Variants in DIAPH1 observed in about 807,000 individuals in gnomAD.
DIAPH1 encodes diaphanous related formin 1, also known as protein diaphanous homolog 1.
Under a neutral mutation model 140.7 loss-of-function variants are expected in DIAPH1, and 46 were observed. The observed-to-expected ratio is 0.33, with a 90% CI of 0.26 to 0.42. The LOEUF (loss-of-function observed/expected upper bound fraction) is 0.42, where lower values mean the gene tolerates loss of function less well. Among genes scored for constraint, DIAPH1 ranks in the 10% least tolerant of loss-of-function variants. The pLI is 1.00. For missense variants in DIAPH1, 1,310 were observed against 1,558.7 expected (o/e 0.84, Z 2.69); for synonymous variants, 565 against 551.6 (o/e 1.02, Z -0.34).
chr5:141,535,097 A>G (rs575634507), intron 18 of DIAPH1, among the ~76,000 whole-genome samples: 1 of 152,206 alleles, frequency 6.6e-6, no homozygotes, highest in African/African-American at 2.4e-5. Context: ...CTACAGGTGC[A>G]GGCCACCACG....
intron 18 of DIAPH1, chr5:141,557,846 TA>T (rs898488032): frequency 7.2e-5 from 11 of 152,210 alleles, no homozygotes; most frequent in Non-Finnish European, 1.5e-5. Flanking sequence ...AACTGCTGAG[TA>T]AAAGAGTACG....
intron 7 of DIAPH1, chr5:141,582,087 A>AAAT: frequency 2.7e-6 from 1 of 365,028 alleles, no homozygotes. Context: ...AAAAAAAAAA[A>AAAT]GAGAGAGAAA....
intron 27 of DIAPH1, chr5:141,518,959 C>T: frequency 6.4e-7 from 1 of 1,550,666 alleles, no homozygotes; most frequent in Non-Finnish European, 8.7e-7. Flanking sequence ...TAAAGGTCTC[C>T]TCCTCCTCCT....
intron 1 of DIAPH1, among the ~76,000 whole-genome samples, chr5:141,598,789 A>C (rs1027822995): frequency 6.6e-6 from 1 of 152,340 alleles, no homozygotes; most frequent in Non-Finnish European, 1.5e-5. Flanking sequence ...CACCCTGATT[A>C]ATTATTATCA....
At chr5:141,553,778 G>C (rs1388676736) in intron 18 of DIAPH1, among the ~76,000 whole-genome samples, 3 of 151,560 alleles carry the variant, frequency 2.0e-5, no homozygotes, top group African/African-American at 7.3e-5. Flanking sequence ...AAAATTTAAA[G>C]ATAGAGACAA....
At chr5:141,531,091 C>CACATATTCCATAACCA in intron 19 of DIAPH1, among the ~76,000 whole-genome samples, 1 of 152,260 alleles carries the variant, frequency 6.6e-6, no homozygotes, top group Admixed American at 6.5e-5. Context: ...AACCACAAAG[C>CACATATTCCATAACCA]CAATGAAAAG....
rs79558427 is a variant in DIAPH1, at chr5:141,527,699, T to TAAAAAAAAAAAAAAA, written c.3149-17_3149-3dup. 7.4e-5 allele frequency: 84 copies of TAAAAAAAAAAAAAAA among 1,132,498 alleles called. No individual in the cohort carries two copies. Among genetic ancestry groups the TAAAAAAAAAAAAAAA allele is most frequent in the East Asian group, 2.9e-4 (8 of 27,518 alleles). The allele number at this position is 1,132,498 out of a possible 1,614,324, so 70.2% of individuals were successfully genotyped here. On this transcript the variant is annotated splice_polypyrimidine_tract_variant and splice_region_variant and intron_variant, in intron 23 of 27. Coordinates refer to ENST00000389054, the MANE Select transcript of DIAPH1 (RefSeq NM_005219.5). ...TCTTTTGCAAGTTTTCAGCAGAAAC[T>TAAAAAAAAAAAAAAA]AAAAAAAAAAAAAAAAAAAAAAACC...
chr5:141,560,013 C>T (rs917782212), intron 18 of DIAPH1, among the ~76,000 whole-genome samples: 2 of 152,088 alleles, frequency 1.3e-5, no homozygotes, highest in African/African-American at 4.8e-5. Flanking sequence ...CATAATGATC[C>T]GCAATTATTT....
At chr5:141,593,075 C>T (rs1400391636) in intron 1 of DIAPH1, among the ~76,000 whole-genome samples, 2 of 152,182 alleles carry the variant, frequency 1.3e-5, no homozygotes, top group African/African-American at 2.4e-5. Flanking sequence ...AAATCCAACA[C>T]ATTACAGAAA....
At chr5:141,564,511 C>A (rs951552756) in intron 18 of DIAPH1, 1 of 152,230 alleles carries the variant, frequency 6.6e-6, no homozygotes, top group Non-Finnish European at 1.5e-5. Context: ...TCCCTTAAAT[C>A]TCCAATAGTA....
chr5:141,611,673 T>C (rs1384472199), intron 1 of DIAPH1, among the ~76,000 whole-genome samples: 1 of 152,174 alleles, frequency 6.6e-6, no homozygotes, highest in Non-Finnish European at 1.5e-5. Context: ...GATACATAGA[T>C]AGCAAATGGG....
intron 8 of DIAPH1, 134 bp from the exon 9 acceptor site, chr5:141,579,330 T>G (rs921642286): frequency 2.5e-6 from 2 of 798,768 alleles, no homozygotes; most frequent in African/African-American, 3.4e-5. Context: ...CTCACATTAT[T>G]ATTCTCACCA....
chr5:141,541,956 A>G (rs1472273982), intron 18 of DIAPH1, among the ~76,000 whole-genome samples: 1 of 152,172 alleles, frequency 6.6e-6, no homozygotes, highest in Non-Finnish European at 1.5e-5. Flanking sequence ...AAAGATGTAT[A>G]TTTTCCCCAA....
At chr5:141,546,193 C>A (rs542596069) in intron 18 of DIAPH1, among the ~76,000 whole-genome samples, 1 of 152,138 alleles carries the variant, frequency 6.6e-6, no homozygotes, top group South Asian at 2.1e-4. Context: ...CGCAGCCTGG[C>A]CAACATGGCG....
chr5:141,566,038 T>C (rs965430300), intron 18 of DIAPH1, among the ~76,000 whole-genome samples: 1 of 152,196 alleles, frequency 6.6e-6, no homozygotes, highest in Admixed American at 6.5e-5. Flanking sequence ...CGAATGATTA[T>C]AATGATTAAC....
chr5:141,577,899 A>C lies in DIAPH1; in HGVS notation c.1164-308T>G, dbSNP rs2074914. Reference sequence around the variant, plus strand: ...TTACTGAAAATATTAACAGGTAACTAAATTACTCCCTCTGTCAGTCCAAAC... The same window carrying C: ...TTACTGAAAATATTAACAGGTAACTCAATTACTCCCTCTGTCAGTCCAAAC... On this transcript the variant is annotated intron_variant, in intron 11 of 27. Coordinates refer to ENST00000389054, the MANE Select transcript of DIAPH1 (RefSeq NM_005219.5). The C allele has an allele frequency of 0.22, 108,112 of 500,958 alleles. 12,587 individuals are homozygous for C. Among genetic ancestry groups the C allele is most frequent in the Admixed American group, 0.34 (10,427 of 30,788 alleles). The allele number at this position is 500,958 out of a possible 1,614,324, so 31.0% of individuals were successfully genotyped here. A position where few individuals can be genotyped will look rare whatever the true frequency, so the allele number is the denominator to read the frequency against.
At position 141,583,247 on chromosome 5, in the gene DIAPH1, G is replaced by A. The variant is rs202061556; in HGVS notation, c.579C>T (p.Asp193=). 6.8e-5 allele frequency: 110 copies of A among 1,614,100 alleles called. No homozygotes were observed. The highest frequency in any genetic ancestry group is 7.6e-5 in the Non-Finnish European group (90 of 1,180,038). ...TCTCATCATGAAGTCGTTTAAGAAT[G>A]TCCAATAAGGAGGCCAAGCCTTCAG... The part of the protein sequence containing the change: ...FGAEGLASLL[D]ILKRLHDEKE... The change falls in exon 6 of 28, where the codon GAC becomes GAT. Residue 193 remains aspartate, a synonymous_variant. Coordinates refer to ENST00000389054, the MANE Select transcript of DIAPH1 (RefSeq NM_005219.5).
intron 4 of DIAPH1, 148 bp from the exon 5 acceptor site, chr5:141,583,763 A>C: frequency 1.8e-6 from 2 of 1,138,726 alleles, no homozygotes; most frequent in South Asian, 1.4e-5. Flanking sequence ...CTGATTTCAA[A>C]CTCCTGGGCT....
chr5:141,542,645 G>A (rs2099890181), intron 18 of DIAPH1, among the ~76,000 whole-genome samples: 1 of 152,164 alleles, frequency 6.6e-6, no homozygotes, highest in African/African-American at 2.4e-5. Flanking sequence ...ATTCAGAAGA[G>A]GTAAATCTAT....
Sources: gnomAD v4.1 joint callset for allele counts (sites outside exome capture counted in the v4.1 genomes callset) on GRCh38, gnomAD v4.1.1 for gene constraint, MANE v1.5 for transcripts, NCBI Gene and HGNC (gene_info 2026-07-23, HGNC 2026-07-21) for gene names.